The following LIPI variants were observed in gnomAD, a reference collection of about 807,000 sequenced individuals.
LIPI encodes the protein lipase member I.
Under a neutral mutation model 50.6 loss-of-function variants are expected in LIPI, and 59 were observed. That is an observed-to-expected ratio of 1.16 (90% CI 0.94 to 1.45). The LOEUF is 1.45. LIPI is among the 40% of genes most tolerant of loss of function. LIPI has a pLI of 0.00. For missense variants in LIPI, 586 were observed against 536.3 expected (o/e 1.09, Z -0.92); for synonymous variants, 203 against 178.2 (o/e 1.14, Z -1.11).
At chr21:14,165,139 C>T (rs1339817888) in intron 6 of LIPI, 84 bp downstream of exon 6, 3 of 1,040,554 alleles carry the variant, frequency 2.9e-6, no homozygotes, top group Admixed American at 1.7e-5. Context: ...ACAGAGTGCA[C>T]AGTTTAGCTT....
chr21:14,181,333 T>G (rs2019261885), intron 4 of LIPI, among the ~76,000 whole-genome samples: 1 of 152,204 alleles, frequency 6.6e-6, no homozygotes, highest in African/African-American at 2.4e-5. Flanking sequence ...AAGACTATTC[T>G]TTATTTGTGG....
chr21:14,150,665 A>G (rs2018057484), intron 8 of LIPI, among the ~76,000 whole-genome samples: 1 of 152,206 alleles, frequency 6.6e-6, no homozygotes, highest in Admixed American at 6.5e-5. Context: ...GTATGTATAT[A>G]CATACATAAA....
chr21:14,159,060 A>G (rs1161735825), intron 7 of LIPI, among the ~76,000 whole-genome samples: 1 of 151,580 alleles, frequency 6.6e-6, no homozygotes, highest in Non-Finnish European at 1.5e-5. Flanking sequence ...AAACATTTAA[A>G]GAATTAACAC....
intron 9 of LIPI, among the ~76,000 whole-genome samples, chr21:14,132,591 A>G (rs1487727290): frequency 2.0e-5 from 3 of 152,188 alleles, no homozygotes; most frequent in Non-Finnish European, 4.4e-5. Flanking sequence ...ACATGGAAAC[A>G]AAAAGTCAAT....
rs117484371 is a variant in LIPI, at chr21:14,197,479, C to T, written c.47-8060G>A. On this transcript the variant is annotated intron_variant, in intron 1 of 9. Transcript: ENST00000681601. ...CTACAAGAATTTCATAATGCAATCA[C>T]AGGCATTAATAGCAGAATAGACCAA... Among the ~76,000 whole-genome samples, 226 of 152,126 alleles carry T rather than the reference C, an allele frequency of 1.5e-3. 3 individuals are homozygous for T. The East Asian group carries it at 0.039, about 27-fold the overall frequency.
chr21:14,207,057 A>G (rs2020246628), intron 1 of LIPI: 7 of 681,814 alleles, frequency 1.0e-5, no homozygotes, highest in African/African-American at 1.8e-5. Context: ...AGTGGCTTCT[A>G]TGGCCACAGA....
intron 1 of LIPI, among the ~76,000 whole-genome samples, chr21:14,192,193 G>A (rs1053418737): frequency 5.3e-5 from 8 of 152,174 alleles, no homozygotes; most frequent in Admixed American, 1.3e-4. Context: ...CAGTGGGCAC[G>A]GTGGCTAACG....
At chr21:14,136,247 G>A (rs1208536730) in intron 9 of LIPI, among the ~76,000 whole-genome samples, 1 of 152,164 alleles carries the variant, frequency 6.6e-6, no homozygotes, top group African/African-American at 2.4e-5. Flanking sequence ...CAGGAGGGTA[G>A]AGCACCAAGT....
At chr21:14,111,194 A>G (rs569597829) in intron 9 of LIPI, among the ~76,000 whole-genome samples, 2 of 151,996 alleles carry the variant, frequency 1.3e-5, no homozygotes, top group South Asian at 4.1e-4. Flanking sequence ...TCTAATTTAC[A>G]TTCTTATCAG....
At chr21:14,166,119 T>C (rs2018674125) in intron 5 of LIPI, among the ~76,000 whole-genome samples, 1 of 152,160 alleles carries the variant, frequency 6.6e-6, no homozygotes, top group Admixed American at 6.5e-5. Flanking sequence ...TTTAAAATGA[T>C]GGAATAAAAT....
intron 9 of LIPI, among the ~76,000 whole-genome samples, chr21:14,143,107 C>T (rs1346883256): frequency 6.6e-6 from 1 of 151,984 alleles, no homozygotes; most frequent in Non-Finnish European, 1.5e-5. Flanking sequence ...TACAGTAGCC[C>T]TTTACCATTA....
chr21:14,121,412 G>C (rs934156419), intron 9 of LIPI, among the ~76,000 whole-genome samples: 27 of 152,136 alleles, frequency 1.8e-4, no homozygotes, highest in African/African-American at 6.3e-4. Flanking sequence ...CATTAAACGG[G>C]TATTCACCCT....
intron 4 of LIPI, among the ~76,000 whole-genome samples, chr21:14,168,867 A>G (rs1008397674): frequency 2.0e-5 from 3 of 152,168 alleles, no homozygotes; most frequent in African/African-American, 7.2e-5. Context: ...TAACAATATT[A>G]ACTTTAAATG....
intron 4 of LIPI, among the ~76,000 whole-genome samples, chr21:14,176,130 A>G (rs2019087204): frequency 6.6e-6 from 1 of 150,650 alleles, no homozygotes; most frequent in African/African-American, 2.4e-5. Context: ...GTGAGCTGAG[A>G]TCGCGCCACT....
At chr21:14,189,476 G>T in intron 1 of LIPI, 57 bp from the exon 2 acceptor site, 2 of 1,481,956 alleles carry the variant, frequency 1.3e-6, no homozygotes, top group South Asian at 1.2e-5. Flanking sequence ...TATTCCTGTT[G>T]CTATTGCAAA....
chr21:14,184,242 C>T (rs368462340), intron 3 of LIPI, among the ~76,000 whole-genome samples: 31 of 152,126 alleles, frequency 2.0e-4, no homozygotes, highest in East Asian at 7.8e-4. Context: ...AACCAAACAC[C>T]GCATGTTCTC....
At chr21:14,110,450 A>G (rs890946483) in intron 9 of LIPI, among the ~76,000 whole-genome samples, 1 of 152,044 alleles carries the variant, frequency 6.6e-6, no homozygotes, top group Non-Finnish European at 1.5e-5. Flanking sequence ...GTTAATTAAA[A>G]TACACATTAC....
chr21:14,160,362 C>A (rs1013893281), intron 7 of LIPI, among the ~76,000 whole-genome samples: 3 of 150,778 alleles, frequency 2.0e-5, no homozygotes, highest in Non-Finnish European at 4.5e-5. Context: ...ATAAACATAT[C>A]GATATATATT....
intron 4 of LIPI, among the ~76,000 whole-genome samples, chr21:14,177,472 C>G (rs1364405514): frequency 1.3e-5 from 2 of 152,104 alleles, no homozygotes; most frequent in African/African-American, 4.8e-5. Context: ...TATCTACCTT[C>G]TATTTGCTTT....
Sources: gnomAD v4.1 joint callset for allele counts (sites outside exome capture counted in the v4.1 genomes callset) on GRCh38, gnomAD v4.1.1 for gene constraint, MANE v1.5 for transcripts, NCBI Gene and HGNC (gene_info 2026-07-23, HGNC 2026-07-21) for gene names.